COL4A5: variants seen among roughly 807,000 people sequenced by gnomAD.
COL4A5 encodes collagen alpha-5(IV) chain.
Under a neutral mutation model 130.2 loss-of-function variants are expected in COL4A5, and 26 were observed. The observed-to-expected ratio is 0.20, with a 90% CI of 0.15 to 0.28. COL4A5 has a LOEUF of 0.28. COL4A5 is among the 10% of genes least tolerant of loss of function. COL4A5 has a pLI of 1.00. For missense variants in COL4A5, 1,131 were observed against 1,344.3 expected (o/e 0.84, Z 2.48); for synonymous variants, 496 against 439.6 (o/e 1.13, Z -1.60).
At position 108,591,107 on chromosome X, in the gene COL4A5, G is replaced by T. The variant is rs1472474057; in HGVS notation, c.1215G>T (p.Arg405Ser). The change falls in exon 20 of 53, where the codon AGG becomes AGT. Residue 405 changes from arginine (R) to serine (S), a missense_variant. Coordinates refer to ENST00000328300, the MANE Select transcript of COL4A5 (RefSeq NM_033380.3). ...PPGPPGFPGE[R>S]GQKGDEGPPG... ...GCCCTCCTGGATTTCCTGGAGAAAG[G>T]GGTCAGAAAGGTGATGAAGGACCAC... The T allele has an allele frequency of 4.1e-6, 5 of 1,207,837 alleles. No homozygotes were observed. The highest frequency in any genetic ancestry group is 2.2e-5 in the Admixed American group (1 of 45,799).
At chrX:108,692,534 G>A (rs1275197783) in intron 49 of COL4A5, among the ~76,000 whole-genome samples, 4 of 111,798 alleles carry the variant, frequency 3.6e-5, no homozygotes, top group African/African-American at 1.3e-4. Flanking sequence ...TATATAATGA[G>A]CTACCACAAT....
At chrX:108,473,614 TATATATATATATATATATA>T (rs2064799904) in intron 1 of COL4A5, among the ~76,000 whole-genome samples, 2 of 36,575 alleles carry the variant, frequency 5.5e-5, no homozygotes, top group African/African-American at 2.1e-4. Flanking sequence ...TATATATATG[TATATATATATATATATATA>T]TTTTTTTTTT....
At position 108,546,233 on chromosome X, in the gene COL4A5, G is replaced by T. The variant is rs60401701; in HGVS notation, c.141+6428G>T. ...GGTCTTTACAATTTGGCATGATTTTGCAGTGGCTGGTACTGGTTGTTCCTT... is the reference window on the plus strand; with the variant it reads ...GGTCTTTACAATTTGGCATGATTTTTCAGTGGCTGGTACTGGTTGTTCCTT... On this transcript the variant is annotated intron_variant, in intron 2 of 52. Coordinates refer to ENST00000328300, the MANE Select transcript of COL4A5 (RefSeq NM_033380.3). 7.2e-3 allele frequency among the ~76,000 whole-genome samples: 809 copies of T among 112,083 alleles called. 8 individuals carry two copies. The highest frequency in any genetic ancestry group is 0.025 in the African/African-American group (767 of 30,868).
chrX:108,677,235 T>C (rs1018500212), intron 43 of COL4A5, among the ~76,000 whole-genome samples: 2 of 112,313 alleles, frequency 1.8e-5, no homozygotes, highest in African/African-American at 6.4e-5. Flanking sequence ...TGTTAAGCCA[T>C]GAGTCTTTTT....
intron 2 of COL4A5, among the ~76,000 whole-genome samples, chrX:108,545,461 T>G (rs1435007938): frequency 8.9e-6 from 1 of 112,115 alleles, no homozygotes; most frequent in Non-Finnish European, 1.9e-5. Context: ...GATTGCACTG[T>G]GGTCTGAGAG....
chrX:108,454,706 T>C (rs1195809933), intron 1 of COL4A5, among the ~76,000 whole-genome samples: 1 of 111,918 alleles, frequency 8.9e-6, no homozygotes, highest in East Asian at 2.8e-4. Flanking sequence ...AACATACCCA[T>C]GAGGTCCCTT....
intron 1 of COL4A5, among the ~76,000 whole-genome samples, chrX:108,526,595 C>CTTT (rs2065316065): frequency 3.0e-5 from 1 of 33,294 alleles, no homozygotes; most frequent in Non-Finnish European, 5.4e-5. Context: ...CTCCCTCCCT[C>CTTT]CTTTCTTTCT....
chrX:108,481,623 C>T (rs777596569), intron 1 of COL4A5, among the ~76,000 whole-genome samples: 80 of 111,869 alleles, frequency 7.2e-4, no homozygotes, highest in African/African-American at 1.9e-3. Flanking sequence ...ATTGCTGCTT[C>T]GCTTTTGCTG....
At chrX:108,558,676 T>A (rs112065377) in intron 2 of COL4A5, among the ~76,000 whole-genome samples, 1 of 111,691 alleles carries the variant, frequency 9.0e-6, no homozygotes, top group African/African-American at 3.3e-5. Flanking sequence ...TAATTTCAAG[T>A]CTGGGAGCTT....
intron 39 of COL4A5, 86 bp from the exon 40 acceptor site, chrX:108,667,047 C>T (rs2068096069): frequency 2.3e-6 from 2 of 875,298 alleles, no homozygotes; most frequent in African/African-American, 4.0e-5. Flanking sequence ...TAATGAAAAC[C>T]TCAATGATCT....
intron 2 of COL4A5, among the ~76,000 whole-genome samples, chrX:108,548,113 G>T (rs963805796): frequency 5.4e-5 from 6 of 111,386 alleles, no homozygotes; most frequent in African/African-American, 2.0e-4. Context: ...TGCACCCATT[G>T]TCCTGCACCC....
At chrX:108,548,896 A>G (rs936359430) in intron 2 of COL4A5, among the ~76,000 whole-genome samples, 7 of 111,677 alleles carry the variant, frequency 6.3e-5, no homozygotes, top group African/African-American at 1.6e-4. Context: ...CTTCAAAAAT[A>G]AAGGCAGATT....
In COL4A5 at chrX:108,668,353, A is replaced by G; in HGVS notation, c.3639A>G (p.Pro1213=). The change falls in exon 41 of 53, where the codon CCA becomes CCG. Residue 1213 remains proline (P), a synonymous_variant. Transcript: ENST00000328300. ...QKGDGGLPGI[P]GNPGLPGPKG... ...GTGATGGAGGATTACCTGGGATTCCAGGAAATCCTGGCCTTCCAGGTCCAA... is the reference window on the plus strand; with the variant it reads ...GTGATGGAGGATTACCTGGGATTCCGGGAAATCCTGGCCTTCCAGGTCCAA... The G allele has an allele frequency of 1.7e-6, 2 of 1,211,544 alleles. No homozygotes were observed. Among genetic ancestry groups the G allele is most frequent in the Non-Finnish European group, 2.2e-6 (2 of 895,421 alleles).
At position 108,558,965 on chromosome X, in the gene COL4A5, A is replaced by C; in HGVS notation, c.142-99A>C. On this transcript the variant is annotated intron_variant, in intron 2 of 52. Transcript: ENST00000328300. ...TGAATTTACATAATTAAATTAAGTT[A>C]GTTTTGTCTAGATAGTCATGTGATC... The C allele has an allele frequency of 4.5e-6, 3 of 662,524 alleles. No homozygotes were observed. In the Admixed American group the frequency reaches 7.0e-5, roughly 16 times the overall value. 54.6% of individuals were successfully genotyped at this position (662,524 alleles called of 1,213,427 possible). A position where few individuals can be genotyped will look rare whatever the true frequency, so the allele number is the denominator to read the frequency against.
In COL4A5 at chrX:108,622,795, A is replaced by G. The variant is rs1342026511; in HGVS notation, c.2887A>G (p.Lys963Glu). The change falls in exon 33 of 53, where the codon AAA becomes GAA. Residue 963 changes from lysine to glutamate, a missense_variant. By Grantham distance (56) the Lys-to-Glu change is moderately conservative (BLOSUM62 1). Coordinates refer to ENST00000328300, the MANE Select transcript of COL4A5 (RefSeq NM_033380.3). ...GPMDPNLLGS[K>E]GEKGEPGLPG... ...AATGGATCCAAATCTTCTGGGCTCAAAAGGAGAGAAGGGGGAACCTGGCTT... is the reference window on the plus strand; with the variant it reads ...AATGGATCCAAATCTTCTGGGCTCAGAAGGAGAGAAGGGGGAACCTGGCTT... 1 of 1,210,970 alleles carries G rather than the reference A, an allele frequency of 8.3e-7. No individual in the cohort carries two copies. The highest frequency in any genetic ancestry group is 1.1e-6 in the Non-Finnish European group (1 of 895,113).
chrX:108,534,533 A>T (rs1234873544), intron 1 of COL4A5, among the ~76,000 whole-genome samples: 2 of 111,209 alleles, frequency 1.8e-5, no homozygotes, highest in South Asian at 3.8e-4. Context: ...GGAGCTAAAA[A>T]ATTGACCATA....
At chrX:108,630,999 G>C (rs1261631730) in intron 36 of COL4A5, among the ~76,000 whole-genome samples, 1 of 111,645 alleles carries the variant, frequency 9.0e-6, no homozygotes, top group Non-Finnish European at 1.9e-5. Flanking sequence ...CCTCTGTTCT[G>C]TTCCATTGGT....
chrX:108,649,849 C>G (rs2067685656), intron 36 of COL4A5, among the ~76,000 whole-genome samples: 2 of 111,196 alleles, frequency 1.8e-5, no homozygotes, highest in African/African-American at 6.5e-5. Context: ...TTGGCTTAGG[C>G]AGAGATTTTA....
intron 1 of COL4A5, among the ~76,000 whole-genome samples, chrX:108,497,355 T>G (rs1248693192): frequency 8.9e-6 from 1 of 112,192 alleles, no homozygotes; most frequent in Admixed American, 9.5e-5. Flanking sequence ...TGTATAGATA[T>G]ATGTTTTTTT....
Sources: allele counts gnomAD v4.1 joint callset (sites outside exome capture counted in the v4.1 genomes callset), GRCh38; gene constraint gnomAD v4.1.1; transcripts MANE v1.5; gene names NCBI Gene and HGNC (gene_info 2026-07-23, HGNC 2026-07-21).